Variants in MBP observed in about 807,000 individuals in gnomAD.
The protein encoded by MBP is myelin basic protein, also known as Golli-MBP.
In MBP, 16 loss-of-function variants were observed where a neutral mutation model predicts 35.8. The observed-to-expected ratio is 0.45, with a 90% CI of 0.30 to 0.68. The LOEUF (loss-of-function observed/expected upper bound fraction) is 0.68, where lower values mean the gene tolerates loss of function less well. MBP is among the 30% of genes least tolerant of loss of function. The pLI, the probability that MBP is intolerant of heterozygous loss-of-function variation, is 0.08. For missense variants in MBP, 380 were observed against 404.7 expected (o/e 0.94, Z 0.52); for synonymous variants, 143 against 159.6 (o/e 0.90, Z 0.78).
intron 8 of MBP, 63 bp from the exon 9 acceptor site, chr18:76,980,534 C>T (rs72987247): frequency 0.011 from 14,382 of 1,312,798 alleles, 116 homozygotes; most frequent in Non-Finnish European, 0.014. Flanking sequence ...ACCAGCATCC[C>T]CTCTTCTGTG....
chr18:77,058,333 C>A (rs1459275628), intron 3 of MBP, among the ~76,000 whole-genome samples: 1 of 152,194 alleles, frequency 6.6e-6, no homozygotes, highest in Non-Finnish European at 1.5e-5. Flanking sequence ...CCTGGGACCC[C>A]TGCTCCACGC....
intron 4 of MBP, among the ~76,000 whole-genome samples, chr18:76,993,312 G>T (rs1475437641): frequency 6.6e-6 from 1 of 152,148 alleles, no homozygotes; most frequent in Non-Finnish European, 1.5e-5. Flanking sequence ...TAGCACTTTG[G>T]GAGGCCGAGG....
At chr18:77,056,586 C>T (rs780600543) in intron 3 of MBP, among the ~76,000 whole-genome samples, 3 of 152,166 alleles carry the variant, frequency 2.0e-5, no homozygotes, top group Non-Finnish European at 4.4e-5. Context: ...CTGCACCAAC[C>T]GGCCTCCATC....
At chr18:77,058,470 AGGCACGACCCCAGGCCCG>A (rs1055762162) in intron 3 of MBP, among the ~76,000 whole-genome samples, 3 of 152,236 alleles carry the variant, frequency 2.0e-5, no homozygotes, top group African/African-American at 7.2e-5. Flanking sequence ...CCCCAGCCCC[AGGCACGACCCCAGGCCCG>A]GGCACGACCC....
chr18:77,008,007 C>G (rs1017750839), intron 4 of MBP, among the ~76,000 whole-genome samples: 1 of 152,110 alleles, frequency 6.6e-6, no homozygotes, highest in Non-Finnish European at 1.5e-5. Context: ...CTCTCATCCT[C>G]TCCACTCTGC....
At chr18:77,086,883 T>C (rs1234365948) in intron 2 of MBP, among the ~76,000 whole-genome samples, 2 of 152,208 alleles carry the variant, frequency 1.3e-5, no homozygotes, top group African/African-American at 2.4e-5. Flanking sequence ...GGAAGCAGTA[T>C]ACGCTCCTCT....
intron 2 of MBP, chr18:77,097,439 T>A (rs1378334341): frequency 6.6e-6 from 1 of 152,178 alleles, no homozygotes; most frequent in Admixed American, 6.5e-5. Flanking sequence ...CCACTGACAC[T>A]CTTTTCCGCA....
rs144730846 is a variant in MBP at position 77,103,698 on chromosome 18, T to C, written c.51+1513A>G. ...ACTGGCAGGCTTACTCCTCACAGTC[T>C]GAAACAATTCTCTAGTGTAGAGACA... is the stretch of plus-strand genomic sequence containing the variant. On this transcript the variant is annotated intron_variant, in intron 2 of 8. Transcript: ENST00000355994. 9.2e-5 allele frequency among the ~76,000 whole-genome samples: 14 copies of C among 152,290 alleles called. No homozygotes were observed. The East Asian group carries it at 2.7e-3, about 29-fold the overall frequency.
At chr18:77,039,065 C>T (rs190141452) in intron 3 of MBP, among the ~76,000 whole-genome samples, 9 of 152,262 alleles carry the variant, frequency 5.9e-5, no homozygotes, top group Admixed American at 5.2e-4. Context: ...AAGACATAGG[C>T]CATTCAATTT....
intron 3 of MBP, among the ~76,000 whole-genome samples, chr18:77,023,720 G>C (rs1282406871): frequency 6.6e-6 from 1 of 152,134 alleles, no homozygotes; most frequent in Non-Finnish European, 1.5e-5. Flanking sequence ...CTCAACAATG[G>C]CCACGCTGCT....
chr18:77,066,308 G>A lies in MBP; in HGVS notation c.129C>T (p.Asn43=), dbSNP rs760137415. 26 of 1,613,702 alleles carry A rather than the reference G, an allele frequency of 1.6e-5. No individual in the cohort carries two copies. Among genetic ancestry groups the A allele is most frequent in the African/African-American group, 9.3e-5 (7 of 74,914 alleles). The part of the protein sequence containing the change: ...GELSRTTSED[N]EVFGEADANQ... ...ATCTGCGTCACCTACCGAACACTTC[G>A]TTGTCCTCTGAGGTTGTCCGTGAAA... The change falls in exon 3 of 9, where the codon AAC becomes AAT. Residue 43 remains asparagine (N), a synonymous_variant. Coordinates refer to ENST00000355994, the MANE Select transcript of MBP (RefSeq NM_001025101.2).
In MBP at chr18:76,988,756, C is replaced by T. The variant is rs988670348; in HGVS notation, c.717+121G>A. The T allele has an allele frequency of 3.7e-5, 50 of 1,368,808 alleles. No homozygotes were observed. Among genetic ancestry groups the T allele is most frequent in the Non-Finnish European group, 7.1e-6 (7 of 989,986 alleles). 84.8% of individuals were successfully genotyped at this position (1,368,808 alleles called of 1,614,324 possible). A position where few individuals can be genotyped will look rare whatever the true frequency, so the allele number is the denominator to read the frequency against. ...CCTGTTCTACTTGGGAGCTGCCTGGCAACACGTTTTGGGATGGATTCTGGT... is the reference window on the plus strand; with the variant it reads ...CCTGTTCTACTTGGGAGCTGCCTGGTAACACGTTTTGGGATGGATTCTGGT... On this transcript the variant is annotated intron_variant, in intron 6 of 8. Transcript: ENST00000355994. This position sits in a 1 kb window ranked among gnomAD's most constrained non-coding sequence, Gnocchi z 5.2.
At position 77,016,539 on chromosome 18, in the gene MBP, C is replaced by T. The variant is rs372073929; in HGVS notation, c.576+293G>A. On this transcript the variant is annotated intron_variant, in intron 4 of 8. Coordinates refer to ENST00000355994, the MANE Select transcript of MBP (RefSeq NM_001025101.2). Reference sequence around the variant, plus strand: ...TGAGAATGTGGCTCTCTTTCTGCAACGCCCATGTCCAGGCACCCTTAGAGA... The same window carrying T: ...TGAGAATGTGGCTCTCTTTCTGCAATGCCCATGTCCAGGCACCCTTAGAGA... The T allele has an allele frequency of 6.9e-5, 87 of 1,260,666 alleles. No individual in the cohort carries two copies. In the African/African-American group the frequency reaches 1.1e-3, roughly 16 times the overall value. 78.1% of individuals were successfully genotyped at this position (1,260,666 alleles called of 1,614,324 possible). A position where few individuals can be genotyped will look rare whatever the true frequency, so the allele number is the denominator to read the frequency against.
chr18:77,034,629 G>A (rs1972681464), intron 3 of MBP, among the ~76,000 whole-genome samples: 1 of 152,238 alleles, frequency 6.6e-6, no homozygotes, highest in Non-Finnish European at 1.5e-5. Context: ...CAGGTACACA[G>A]GTGGACAGAA....
intron 3 of MBP, among the ~76,000 whole-genome samples, chr18:77,059,050 C>G (rs1403924943): frequency 6.6e-6 from 1 of 152,088 alleles, no homozygotes; most frequent in Non-Finnish European, 1.5e-5. Flanking sequence ...GGGCAGTTCG[C>G]CAGCACGAGT....
chr18:77,097,793 T>G (rs1256446726), intron 2 of MBP, among the ~76,000 whole-genome samples: 1 of 152,156 alleles, frequency 6.6e-6, no homozygotes, highest in Admixed American at 6.5e-5. Context: ...AAGGCAGAGC[T>G]CTTTGTGGGA....
chr18:77,080,186 GA>G (rs1974834500), intron 2 of MBP, among the ~76,000 whole-genome samples: 1 of 152,192 alleles, frequency 6.6e-6, no homozygotes, highest in Non-Finnish European at 1.5e-5. Context: ...TCTTGCTCTA[GA>G]CTGGATTTCC....
At chr18:77,009,684 C>T (rs986042654) in intron 4 of MBP, among the ~76,000 whole-genome samples, 1 of 152,256 alleles carries the variant, frequency 6.6e-6, no homozygotes, top group African/African-American at 2.4e-5. Flanking sequence ...CTGCTTTTCC[C>T]TGGGGGAGGC....
intron 3 of MBP, among the ~76,000 whole-genome samples, chr18:77,035,395 G>C (rs904867195): frequency 6.6e-6 from 1 of 152,244 alleles, no homozygotes; most frequent in African/African-American, 2.4e-5. Flanking sequence ...TCTGAGTAAA[G>C]AAGGCTGTTA....
Sources: allele counts gnomAD v4.1 joint callset (sites outside exome capture counted in the v4.1 genomes callset), GRCh38; gene constraint gnomAD v4.1.1; non-coding constraint Gnocchi (gnomAD v3.1); transcripts MANE v1.5; gene names NCBI Gene and HGNC (gene_info 2026-07-23, HGNC 2026-07-21).